OTOF: variants seen among roughly 807,000 people sequenced by gnomAD.
OTOF encodes the protein otoferlin.
In OTOF, 218 loss-of-function variants were observed where a neutral mutation model predicts 236.8. The ratio of observed to expected loss-of-function variants is 0.92; its 90% CI spans 0.82 to 1.03. The LOEUF (loss-of-function observed/expected upper bound fraction) is 1.03. Among genes scored for constraint, OTOF ranks in the 50% least tolerant of loss-of-function variants. The pLI, the probability that OTOF is intolerant of heterozygous loss-of-function variation, is 0.00. For synonymous variants in OTOF, 1,041 were observed against 1,072.5 expected, an observed-to-expected ratio of 0.97 and a Z score of 0.57; for missense variants, 2,590 against 2,694.4, an observed-to-expected ratio of 0.96 and a Z score of 0.86.
At chr2:26,476,107 G>T (rs371489210) in intron 23 of OTOF, 21 bp downstream of exon 23, 14 of 1,610,990 alleles carry the variant, frequency 8.7e-6, no homozygotes, top group South Asian at 2.2e-5. Flanking sequence ...GTGAGGCTTC[G>T]AGTGAGGGGT....
chr2:26,556,947 G>T (rs533235703), intron 1 of OTOF, among the ~76,000 whole-genome samples: 1 of 152,208 alleles, frequency 6.6e-6, no homozygotes, highest in South Asian at 2.1e-4. Context: ...GCATGAGCCT[G>T]CAGGTGGCAC....
intron 41 of OTOF, 65 bp downstream of exon 41, chr2:26,463,418 G>T: frequency 7.5e-7 from 1 of 1,326,772 alleles, no homozygotes; most frequent in Non-Finnish European, 1.1e-6. Flanking sequence ...AGGAAGGGTT[G>T]GGCCGTGGTG....
intron 2 of OTOF, among the ~76,000 whole-genome samples, chr2:26,528,411 C>A (rs1317598438): frequency 1.3e-5 from 2 of 152,214 alleles, no homozygotes; most frequent in African/African-American, 4.8e-5. Flanking sequence ...ACAGGCTCTG[C>A]CCCAGACTCC....
rs1172003222 is a variant in OTOF, at chr2:26,479,502, A to G, written c.2064T>C (p.Thr688=). Residue 688 remains threonine, a synonymous_variant, in exon 17 of 47, where the codon ACT becomes ACC. Transcript: ENST00000272371. ...CGGTGACCTGGGGCCGCATTGGTGG[A>G]GTGGAGGAGACTGAGGCCAGGTCCC... ...DAGDLASVSS[T]PPMRPQVTDR... is the part of the protein sequence containing the mutation. 4 of 1,602,696 alleles carry G rather than the reference A, an allele frequency of 2.5e-6. No individual in the cohort carries two copies. In the South Asian group the frequency reaches 4.5e-5, roughly 18 times the overall value.
intron 9 of OTOF, among the ~76,000 whole-genome samples, chr2:26,489,975 G>A (rs549789312): frequency 1.3e-5 from 2 of 152,224 alleles, no homozygotes; most frequent in African/African-American, 4.8e-5. Flanking sequence ...GTGTGGGGTG[G>A]GAAAGGAACT....
Position 26,462,214 on chromosome 2 carries a change from C to T in OTOF, c.5193-33G>A. 6.3e-7 allele frequency: 1 copy of T among 1,587,232 alleles called. No individual in the cohort carries two copies. The highest frequency in any genetic ancestry group is 8.7e-7 in the Non-Finnish European group (1 of 1,155,910). ...CAGGGAGAGAAGGCTGGTTAGCAGC[C>T]CCAGGTGGGGGTTATGCCAGGGTGC... On this transcript the variant is annotated intron_variant, in intron 41 of 46. Coordinates refer to ENST00000272371, the MANE Select transcript of OTOF (RefSeq NM_194248.3). This position sits in a 1 kb window ranked among gnomAD's most constrained non-coding sequence, Gnocchi z 4.7.
chr2:26,523,777 C>A (rs1332617698), intron 3 of OTOF, among the ~76,000 whole-genome samples: 2 of 152,234 alleles, frequency 1.3e-5, no homozygotes, highest in South Asian at 4.1e-4. Flanking sequence ...AAGCCTAGTG[C>A]AGACCCCAAA....
chr2:26,511,002 A>G (rs547601701), intron 5 of OTOF, among the ~76,000 whole-genome samples: 2 of 152,242 alleles, frequency 1.3e-5, no homozygotes, highest in African/African-American at 4.8e-5. Flanking sequence ...CACTATTCCA[A>G]CCCCAAGCTC....
intron 36 of OTOF, 54 bp downstream of exon 36, chr2:26,466,660 C>T (rs2148029386): frequency 1.9e-6 from 3 of 1,609,314 alleles, no homozygotes; most frequent in Non-Finnish European, 2.6e-6. Context: ...TTTGCTCTCT[C>T]CCAGATGGGA....
chr2:26,459,552 CAAAAA>C (rs58695074), intron 46 of OTOF, among the ~76,000 whole-genome samples: 2 of 69,118 alleles, frequency 2.9e-5, no homozygotes, highest in Non-Finnish European at 3.0e-5. Flanking sequence ...ACTCTGTCTC[CAAAAA>C]AAAAAAAAAA....
intron 5 of OTOF, among the ~76,000 whole-genome samples, chr2:26,507,304 CA>C (rs1558505038): frequency 6.6e-6 from 1 of 152,172 alleles, no homozygotes; most frequent in East Asian, 1.9e-4. Context: ...TCATCACTGC[CA>C]CTAGCCTTTG....
Position 26,460,553 on chromosome 2 carries a change from C to T in OTOF, c.5813+94G>A. 1 of 1,004,616 alleles carries T rather than the reference C, an allele frequency of 1.0e-6. No homozygotes were observed. The allele number at this position is 1,004,616 out of a possible 1,614,324, so 62.2% of individuals were successfully genotyped here. A position where few individuals can be genotyped will look rare whatever the true frequency, so the allele number is the denominator to read the frequency against. Reference sequence around the variant, plus strand: ...GCTCCCCTGTAATGAGGCTGTGGCCCAGGAAGAGATGGGGTGTCTGGGGAT... The same window carrying T: ...GCTCCCCTGTAATGAGGCTGTGGCCTAGGAAGAGATGGGGTGTCTGGGGAT... On this transcript the variant is annotated intron_variant, in intron 45 of 46. Coordinates refer to ENST00000272371, the MANE Select transcript of OTOF (RefSeq NM_194248.3). This position sits in a 1 kb window ranked among gnomAD's most constrained non-coding sequence, Gnocchi z 5.3.
Position 26,494,879 on chromosome 2 carries a change from G to A in OTOF, c.897+63C>T, listed in dbSNP as rs1665941661. On this transcript the variant is annotated intron_variant, in intron 9 of 46. Transcript: ENST00000272371. ...TTCCAGCCACTCCTATTTCTCCTGG[G>A]GAGGGCTGGGGCCACCCTCCTGCCA... The A allele has an allele frequency of 1.9e-6, 3 of 1,599,594 alleles. No individual in the cohort carries two copies. In the South Asian group the frequency reaches 3.3e-5, roughly 18 times the overall value.
chr2:26,485,466 G>T (rs1558493151), intron 11 of OTOF, among the ~76,000 whole-genome samples: 1 of 152,224 alleles, frequency 6.6e-6, no homozygotes, highest in Non-Finnish European at 1.5e-5. Flanking sequence ...GACAGGGATT[G>T]TCAGTCTCAT....
chr2:26,492,198 G>A (rs1380215776), intron 9 of OTOF, among the ~76,000 whole-genome samples: 3 of 152,168 alleles, frequency 2.0e-5, no homozygotes, highest in Non-Finnish European at 2.9e-5. Context: ...GATTTCAGGG[G>A]ACATTTGGCA....
chr2:26,502,171 G>GT (rs1666128818), intron 7 of OTOF, 129 bp downstream of exon 7: 1 of 970,018 alleles, frequency 1.0e-6, no homozygotes, highest in Non-Finnish European at 1.6e-6. Flanking sequence ...GCAGAAAAGG[G>GT]TAAGGTTAGG....
chr2:26,483,450 A>C lies in OTOF; in HGVS notation c.1392+12T>G. The C allele has an allele frequency of 6.2e-7, 1 of 1,612,898 alleles. No individual in the cohort carries two copies. The highest frequency in any genetic ancestry group is 8.5e-7 in the Non-Finnish European group (1 of 1,179,480). On this transcript the variant is annotated intron_variant, in intron 13 of 46. Coordinates refer to ENST00000272371, the MANE Select transcript of OTOF (RefSeq NM_194248.3). ...ACCCAGCCCCAGCCTCCTGTACCTC[A>C]TACCCCAGTACCTTCTGGCCAGCAA...
chr2:26,558,637 G>T lies in OTOF; in HGVS notation c.-66C>A. On this transcript the variant is annotated 5_prime_UTR_variant, in exon 1 of 47. Coordinates refer to ENST00000272371, the MANE Select transcript of OTOF (RefSeq NM_194248.3). ...GGAAGGAGCTAGCCGGTGGAGCACG[G>T]CTCACACGCCTCTCTCTTCTCTGCC... 1 of 1,342,170 alleles carries T rather than the reference G, an allele frequency of 7.5e-7. No individual in the cohort carries two copies. The highest frequency in any genetic ancestry group is 1.1e-6 in the Non-Finnish European group (1 of 935,196). The allele number at this position is 1,342,170 out of a possible 1,614,324, so 83.1% of individuals were successfully genotyped here.
At chr2:26,501,912 C>T in intron 7 of OTOF, 104 bp from the exon 8 acceptor site, 2 of 851,038 alleles carry the variant, frequency 2.4e-6, no homozygotes, top group Non-Finnish European at 4.1e-6. Context: ...GGGACAGAAT[C>T]ATGGTCTTTA....
Sources: gnomAD v4.1 joint callset for allele counts (sites outside exome capture counted in the v4.1 genomes callset) on GRCh38, gnomAD v4.1.1 for gene constraint, Gnocchi (gnomAD v3.1) non-coding constraint, MANE v1.5 for transcripts, NCBI Gene and HGNC (gene_info 2026-07-23, HGNC 2026-07-21) for gene names.